The following POLK variants were observed in gnomAD, a reference collection of about 807,000 sequenced individuals.
The protein encoded by POLK is polymerase (DNA directed) kappa.
POLK carries 76 observed loss-of-function variants against 94.0 expected under a neutral mutation model. The ratio of observed to expected loss-of-function variants is 0.81; its 90% CI spans 0.67 to 0.98. The LOEUF is 0.98. Ranked by LOEUF, POLK falls within the 50% of genes least tolerant of loss-of-function variation. The probability of loss-of-function intolerance (pLI) is 0.00; values close to 1 mark genes in which losing one functional copy is unlikely to be tolerated. For synonymous variants in POLK, 349 were observed against 325.4 expected (o/e 1.07, Z -0.78); for missense variants, 954 against 1,010.1 (o/e 0.94, Z 0.75).
chr5:75,515,672 G>A (rs9293653), intron 1 of POLK, among the ~76,000 whole-genome samples: 1,636 of 152,254 alleles, frequency 0.011, 18 homozygotes, highest in East Asian at 0.022. Flanking sequence ...AGTTTTCTGA[G>A]GAACCTCCAT....
rs372436691 is a variant in POLK, at chr5:75,559,045, G to A, written c.255+6454G>A. Among the ~76,000 whole-genome samples, 12 of 152,256 alleles carry A rather than the reference G, an allele frequency of 7.9e-5. No individual in the cohort carries two copies. In the South Asian group the frequency reaches 1.9e-3, roughly 24 times the overall value. ...TTTTGCAACAGGAATGGCAGGAAAC[G>A]TGTTTTATGTTGATTGTTCAATTGT... On this transcript the variant is annotated intron_variant, in intron 3 of 14. Coordinates refer to ENST00000241436, the Ensembl canonical transcript of POLK.
intron 3 of POLK, among the ~76,000 whole-genome samples, chr5:75,559,510 TTTGTTTTGTTTTG>T (rs1561371253): frequency 5.7e-4 from 81 of 142,134 alleles, no homozygotes; most frequent in Middle Eastern, 3.6e-3. Context: ...GGTTTGTTTT[TTTGTTTTGTTTTG>T]TTTTTTTTTT....
chr5:75,581,335 A>T (rs1282199897), exon 7 of POLK: 1 of 1,614,050 alleles, frequency 6.2e-7, no homozygotes, highest in South Asian at 1.1e-5. Flanking sequence ...TTTGAAGAAC[A>T]AAACAATCCT....
At chr5:75,550,057 G>A (rs765226831) in intron 2 of POLK, among the ~76,000 whole-genome samples, 5 of 152,090 alleles carry the variant, frequency 3.3e-5, no homozygotes, top group Non-Finnish European at 7.4e-5. Context: ...AATATTTAAA[G>A]AAGAAATGAT....
chr5:75,589,352 G>A (rs1056576008), intron 10 of POLK, among the ~76,000 whole-genome samples: 1 of 145,164 alleles, frequency 6.9e-6, no homozygotes, highest in African/African-American at 2.6e-5. Context: ...AGAGGAAAAT[G>A]TCTTCTTGTT....
At chr5:75,562,293 T>C in intron 3 of POLK, among the ~76,000 whole-genome samples, 1 of 152,250 alleles carries the variant, frequency 6.6e-6, no homozygotes, top group East Asian at 1.9e-4. Flanking sequence ...GAGAGTTCAC[T>C]CATGATTTGG....
chr5:75,515,155 G>A (rs1205909559), intron 1 of POLK, among the ~76,000 whole-genome samples: 1 of 152,034 alleles, frequency 6.6e-6, no homozygotes, highest in Non-Finnish European at 1.5e-5. Context: ...CTTGTCTTGT[G>A]TTGCTACTAA....
chr5:75,582,948 GA>G (rs34457772), intron 7 of POLK: 3,425 of 127,290 alleles, frequency 0.027, 37 homozygotes, highest in African/African-American at 0.058. Context: ...GACTCCATCT[GA>G]AAAAAAAAAA....
intron 2 of POLK, among the ~76,000 whole-genome samples, chr5:75,549,424 T>C (rs923848046): frequency 6.6e-6 from 1 of 152,090 alleles, no homozygotes; most frequent in Non-Finnish European, 1.5e-5. Flanking sequence ...AGCCTTGATA[T>C]CTGCTAGCAC....
rs58797043 is a variant in POLK at position 75,527,502 on chromosome 5, T to TACACACACAC, written c.-14+15618_-14+15627dup. ...CTCAAAAAAAAAAAAAATTTATATA[T>TACACACACAC]ACACACACACACACACACACACACA... On this transcript the variant is annotated intron_variant, in intron 1 of 14. Coordinates refer to ENST00000241436, the Ensembl canonical transcript of POLK. 3.2e-3 allele frequency among the ~76,000 whole-genome samples: 429 copies of TACACACACAC among 133,020 alleles called. 3 individuals carry two copies. Among genetic ancestry groups the TACACACACAC allele is most frequent in the African/African-American group, 0.011 (387 of 34,864 alleles). The allele number at this position is 133,020 out of a possible 152,430, so 87.3% of individuals were successfully genotyped here. A position where few individuals can be genotyped will look rare whatever the true frequency, so the allele number is the denominator to read the frequency against.
intron 9 of POLK, among the ~76,000 whole-genome samples, chr5:75,585,501 A>G (rs1391617198): frequency 6.6e-6 from 1 of 152,188 alleles, no homozygotes; most frequent in Non-Finnish European, 1.5e-5. Flanking sequence ...GAGTGAGGGT[A>G]TAGAAAATGA....
At chr5:75,525,535 T>C (rs1265318577) in intron 1 of POLK, among the ~76,000 whole-genome samples, 7 of 151,908 alleles carry the variant, frequency 4.6e-5, no homozygotes, top group Non-Finnish European at 1.0e-4. Context: ...CAGGTACCTG[T>C]GGAACAACAG....
At position 75,596,326 on chromosome 5, in the gene POLK, T is replaced by C. The variant is rs761118414; in HGVS notation, c.1633T>C (p.Cys545Arg). Residue 545 changes from cysteine to arginine, a missense_variant, in exon 13 of 15, where the codon TGT becomes CGT. Coordinates refer to ENST00000241436, the Ensembl canonical transcript of POLK. The stretch of plus-strand genomic sequence containing the variant: ...AAACCAAGCCCTGTCAGCCACTGAG[T>C]GTACATTAGAGAAAACTGACAAAGA... 7 of 1,612,814 alleles carry C rather than the reference T, an allele frequency of 4.3e-6. No homozygotes were observed. The East Asian group carries it at 8.9e-5, about 21-fold the overall frequency.
chr5:75,525,762 C>G (rs983177759), intron 1 of POLK, among the ~76,000 whole-genome samples: 1 of 152,098 alleles, frequency 6.6e-6, no homozygotes, highest in Admixed American at 6.6e-5. Flanking sequence ...AAGAAAAAAG[C>G]TGTCAATTCA....
exon 9 of POLK, chr5:75,584,871 T>A (rs752517000): frequency 1.9e-6 from 3 of 1,607,856 alleles, no homozygotes; most frequent in Non-Finnish European, 2.6e-6. Flanking sequence ...CTCTGAAACA[T>A]CTTGGCATTA....
At chr5:75,511,628 T>C (rs1039953222), upstream of POLK, 6 of 1,483,946 alleles carry the variant, frequency 4.0e-6, no homozygotes, top group African/African-American at 1.4e-5. Flanking sequence ...GGCCCACTAT[T>C]TACCCTCCCC....
upstream of POLK, chr5:75,511,077 T>C: frequency 2.0e-6 from 3 of 1,504,654 alleles, no homozygotes; most frequent in Admixed American, 2.3e-5. Flanking sequence ...CAGGTGAGTC[T>C]GGCCAGGGGT....
downstream of POLK, among the ~76,000 whole-genome samples, chr5:75,605,924 T>C (rs973398257): frequency 2.7e-5 from 4 of 147,880 alleles, no homozygotes; most frequent in South Asian, 8.9e-4. Context: ...AGACAAAGTA[T>C]AGAGAAAGAA....
At position 75,527,502 on chromosome 5, in the gene POLK, T is replaced by TACACAC. The variant is rs58797043; in HGVS notation, c.-14+15622_-14+15627dup. ...CTCAAAAAAAAAAAAAATTTATATA[T>TACACAC]ACACACACACACACACACACACACA... On this transcript the variant is annotated intron_variant, in intron 1 of 14. Coordinates refer to ENST00000241436, the Ensembl canonical transcript of POLK. 7.0e-3 allele frequency among the ~76,000 whole-genome samples: 927 copies of TACACAC among 132,968 alleles called. 7 individuals are homozygous for TACACAC. Among genetic ancestry groups the TACACAC allele is most frequent in the African/African-American group, 0.016 (563 of 34,842 alleles). The allele number at this position is 132,968 out of a possible 152,430, so 87.2% of individuals were successfully genotyped here.
Sources: allele counts gnomAD v4.1 joint callset (sites outside exome capture counted in the v4.1 genomes callset), GRCh38; gene constraint gnomAD v4.1.1; transcripts MANE v1.5; gene names NCBI Gene and HGNC (gene_info 2026-07-23, HGNC 2026-07-21).